The following ZZZ3 variants were observed in gnomAD, a reference collection of about 807,000 sequenced individuals.
ZZZ3 encodes the protein ZZ-type zinc finger-containing protein 3.
ZZZ3 carries 22 observed loss-of-function variants against 95.2 expected under a neutral mutation model. That is an observed-to-expected ratio of 0.23 (90% CI 0.17 to 0.33). The LOEUF (loss-of-function observed/expected upper bound fraction) is 0.33. ZZZ3 is among the 10% of genes least tolerant of loss of function. The pLI is 1.00. For synonymous variants in ZZZ3, 335 were observed against 358.9 expected (o/e 0.93, Z 0.75); for missense variants, 885 against 1,066.5 (o/e 0.83, Z 2.37).
At chr1:77,653,828 C>G (rs1472951145) in intron 1 of ZZZ3, among the ~76,000 whole-genome samples, 2 of 152,012 alleles carry the variant, frequency 1.3e-5, no homozygotes, top group African/African-American at 2.4e-5. Context: ...GAAATGGACA[C>G]ATTCCATGAA....
At position 77,632,911 on chromosome 1, in the gene ZZZ3, A is replaced by C; in HGVS notation, c.444T>G (p.Ser148Arg). The change falls in exon 5 of 15, where the codon AGT becomes AGG. Residue 148 changes from serine to arginine, a missense_variant. This residue lies in a region of ZZZ3 where 556 missense variants were observed against 652.9 expected (regional missense o/e 0.85). Transcript: ENST00000370801. ...AATCTGCATCATTGTCCACTACTGTACTCCTCTGTTCTACTGACTCCTTGT... is the reference window on the plus strand; with the variant it reads ...AATCTGCATCATTGTCCACTACTGTCCTCCTCTGTTCTACTGACTCCTTGT... ...KSDKESVEQR[S>R]TVVDNDADFQ... 11 of 1,614,052 alleles carry C rather than the reference A, an allele frequency of 6.8e-6. No individual in the cohort carries two copies. Among genetic ancestry groups the C allele is most frequent in the Non-Finnish European group, 8.5e-6 (10 of 1,180,024 alleles).
intron 5 of ZZZ3, among the ~76,000 whole-genome samples, chr1:77,628,991 G>A (rs1252901365): frequency 6.6e-6 from 1 of 152,180 alleles, no homozygotes; most frequent in African/African-American, 2.4e-5. Flanking sequence ...TCCTTCAAGT[G>A]CCTTTTTTTA....
intron 5 of ZZZ3, among the ~76,000 whole-genome samples, chr1:77,629,922 T>C (rs1414573975): frequency 6.6e-6 from 1 of 152,238 alleles, no homozygotes; most frequent in Non-Finnish European, 1.5e-5. Flanking sequence ...GTTATGACTG[T>C]ATCTTTAGGT....
intron 1 of ZZZ3, among the ~76,000 whole-genome samples, chr1:77,673,641 A>T (rs1671986721): frequency 6.6e-6 from 1 of 152,180 alleles, no homozygotes; most frequent in Non-Finnish European, 1.5e-5. Context: ...AGCTAGCTTG[A>T]AAGGGGTTAA....
At chr1:77,651,022 C>A (rs1253421759) in intron 1 of ZZZ3, among the ~76,000 whole-genome samples, 1 of 152,104 alleles carries the variant, frequency 6.6e-6, no homozygotes, top group African/African-American at 2.4e-5. Context: ...TGACATTGAA[C>A]CCCTACCTCA....
chr1:77,657,652 T>C (rs1570628345), intron 1 of ZZZ3, among the ~76,000 whole-genome samples: 2 of 152,308 alleles, frequency 1.3e-5, no homozygotes, highest in South Asian at 4.1e-4. Flanking sequence ...TTCACAAACG[T>C]GGAATCCAAG....
intron 4 of ZZZ3, among the ~76,000 whole-genome samples, chr1:77,636,705 GAAAAA>G (rs10568853): frequency 3.0e-5 from 2 of 67,644 alleles, no homozygotes; most frequent in East Asian, 4.1e-4. Context: ...GCCCTGTCTT[GAAAAA>G]AAAAAAAAAA....
intron 4 of ZZZ3, 77 bp downstream of exon 4, chr1:77,639,372 C>A: frequency 1.7e-6 from 2 of 1,211,144 alleles, no homozygotes; most frequent in South Asian, 1.8e-5. Flanking sequence ...AATAACAAGT[C>A]TCCCCATCTC....
intron 1 of ZZZ3, among the ~76,000 whole-genome samples, chr1:77,673,314 C>A (rs978403407): frequency 6.6e-6 from 1 of 152,040 alleles, no homozygotes. Flanking sequence ...TTGCACTTTA[C>A]GGCCAGGCAG....
chr1:77,616,030 TACA>T (rs1666276361), intron 5 of ZZZ3, among the ~76,000 whole-genome samples: 1 of 152,178 alleles, frequency 6.6e-6, no homozygotes, highest in African/African-American at 2.4e-5. Flanking sequence ...ATAATGTTTA[TACA>T]CATTATACAC....
At chr1:77,660,140 A>G (rs1670656934) in intron 1 of ZZZ3, among the ~76,000 whole-genome samples, 1 of 152,034 alleles carries the variant, frequency 6.6e-6, no homozygotes, top group Non-Finnish European at 1.5e-5. Context: ...CTGACATTTC[A>G]TTTTCTAGCA....
chr1:77,571,256 C>T (rs1011955103), intron 12 of ZZZ3, among the ~76,000 whole-genome samples: 4 of 151,886 alleles, frequency 2.6e-5, no homozygotes, highest in South Asian at 2.1e-4. Context: ...GTTAAATCAC[C>T]TCACACCCAG....
At chr1:77,656,427 CTG>C (rs1220788524) in intron 1 of ZZZ3, among the ~76,000 whole-genome samples, 1 of 152,088 alleles carries the variant, frequency 6.6e-6, no homozygotes, top group Non-Finnish European at 1.5e-5. Flanking sequence ...TCAATGGTTT[CTG>C]TCAACACAAC....
At chr1:77,580,928 A>G (rs942811963) in intron 9 of ZZZ3, 70 bp downstream of exon 9, 78 of 1,362,074 alleles carry the variant, frequency 5.7e-5, no homozygotes, top group Non-Finnish European at 7.8e-5. Context: ...ACCTGGCCTC[A>G]TAATACTGAC....
chr1:77,581,082 C>G lies in ZZZ3; in HGVS notation c.1909-13G>C, dbSNP rs1662468819. Reference sequence around the variant, plus strand: ...GTCCTCTTATCATCTGCACATAAGACAAGGCTTTTGTCAGAGAGAAAATAA... The same window carrying G: ...GTCCTCTTATCATCTGCACATAAGAGAAGGCTTTTGTCAGAGAGAAAATAA... On this transcript the variant is annotated splice_polypyrimidine_tract_variant and intron_variant, in intron 8 of 14. Transcript: ENST00000370801. The G allele has an allele frequency of 6.2e-7, 1 of 1,610,976 alleles. No individual in the cohort carries two copies. The highest frequency in any genetic ancestry group is 2.2e-5 in the East Asian group (1 of 44,862).
intron 5 of ZZZ3, among the ~76,000 whole-genome samples, chr1:77,610,154 C>G (rs1275329682): frequency 1.4e-5 from 2 of 144,256 alleles, no homozygotes; most frequent in African/African-American, 2.5e-5. Context: ...AAAAAGCAGA[C>G]TTTACAATCA....
At position 77,632,908 on chromosome 1, in the gene ZZZ3, T is replaced by C. The variant is rs2100851474; in HGVS notation, c.447A>G (p.Thr149=). The C allele has an allele frequency of 1.9e-6, 3 of 1,614,194 alleles. No individual in the cohort carries two copies. The highest frequency in any genetic ancestry group is 2.5e-6 in the Non-Finnish European group (3 of 1,180,026). Residue 149 remains threonine (T), a synonymous_variant, in exon 5 of 15, where the codon ACA becomes ACG. Transcript: ENST00000370801. ...GAAAATCTGCATCATTGTCCACTAC[T>C]GTACTCCTCTGTTCTACTGACTCCT... The part of the protein sequence containing the change: ...SDKESVEQRS[T]VVDNDADFQG...
chr1:77,596,255 G>T (rs1163815072), intron 5 of ZZZ3, among the ~76,000 whole-genome samples: 1 of 152,060 alleles, frequency 6.6e-6, no homozygotes, highest in Non-Finnish European at 1.5e-5. Context: ...TTTTTCTTCA[G>T]TCTAAAAGGC....
chr1:77,594,921 CAAAAAAAAAAAA>C (rs371690201), intron 5 of ZZZ3, among the ~76,000 whole-genome samples: 4,489 of 80,852 alleles, frequency 0.056, 109 homozygotes, highest in Non-Finnish European at 0.076. Context: ...TTGACAGGCC[CAAAAAAAAAAAA>C]AAAAAAAAAA....
Sources: allele counts gnomAD v4.1 joint callset (sites outside exome capture counted in the v4.1 genomes callset), GRCh38; gene constraint gnomAD v4.1.1; regional missense constraint gnomAD v4.1.1; transcripts MANE v1.5; gene names NCBI Gene and HGNC (gene_info 2026-07-23, HGNC 2026-07-21).